The following ZNF670 variants were observed in gnomAD, a reference collection of about 807,000 sequenced individuals.
ZNF670 encodes zinc finger protein 670.
A neutral mutation model predicts 10.9 loss-of-function variants in ZNF670; 7 were observed. That is an observed-to-expected ratio of 0.64 (90% CI 0.36 to 1.20). The LOEUF (loss-of-function observed/expected upper bound fraction) is 1.20, where lower values mean the gene tolerates loss of function less well. ZNF670 is among the 50% of genes most tolerant of loss of function. The pLI, the probability that ZNF670 is intolerant of heterozygous loss-of-function variation, is 0.02. For missense variants in ZNF670, 446 were observed against 458.6 expected (o/e 0.97, Z 0.25); for synonymous variants, 136 against 152.7 (o/e 0.89, Z 0.81).
At chr1:247,071,905 T>C (rs1185467976) in intron 1 of ZNF670, among the ~76,000 whole-genome samples, 1 of 151,612 alleles carries the variant, frequency 6.6e-6, no homozygotes, top group Non-Finnish European at 1.5e-5. Flanking sequence ...TTGCCCAGGC[T>C]GGAGTGCAGT....
At position 247,039,349 on chromosome 1, in the gene ZNF670, C is replaced by A. The variant is rs1670250427; in HGVS notation, c.130+62G>T. On this transcript the variant is annotated intron_variant, in intron 2 of 3. Coordinates refer to ENST00000366503, the MANE Select transcript of ZNF670 (RefSeq NM_033213.5). ...GTGCTGGGATTACAGGTGTGAGCCA[C>A]CACGCCCAGCCAAAACACTTGCGTT... 3.2e-6 allele frequency: 5 copies of A among 1,573,338 alleles called. No individual in the cohort carries two copies. The South Asian group carries it at 3.5e-5, about 11-fold the overall frequency.
At chr1:247,065,541 A>G (rs1269379640) in intron 1 of ZNF670, among the ~76,000 whole-genome samples, 1 of 152,236 alleles carries the variant, frequency 6.6e-6, no homozygotes, top group Non-Finnish European at 1.5e-5. Context: ...GAAAAGAAAA[A>G]ATTACCTTGG....
rs182378111 is a variant in ZNF670, at chr1:247,039,516, C to T, written c.25G>A (p.Val9Met). 2 of 1,596,652 alleles carry T rather than the reference C, an allele frequency of 1.3e-6. No individual in the cohort carries two copies. The highest frequency in any genetic ancestry group is 2.3e-5 in the East Asian group (1 of 43,458). Residue 9 changes from valine (V) to methionine (M), a missense_variant, in exon 2 of 4, where the codon GTG becomes ATG. Physicochemically the swap from Val to Met is conservative, Grantham distance 21. Coordinates refer to ENST00000366503, the MANE Select transcript of ZNF670 (RefSeq NM_033213.5). ...TCCTCCTGAGTAAAGGCCACAGCCACATCTTCAAATGACACTGAATCCTAG... is the reference window on the plus strand; with the variant it reads ...TCCTCCTGAGTAAAGGCCACAGCCATATCTTCAAATGACACTGAATCCTAG... MDSVSFED[V>M]AVAFTQEEWA...
At chr1:247,061,909 G>A (rs1572567631) in intron 1 of ZNF670, among the ~76,000 whole-genome samples, 1 of 152,130 alleles carries the variant, frequency 6.6e-6, no homozygotes, top group Non-Finnish European at 1.5e-5. Flanking sequence ...AAATGATAAG[G>A]GTGATCTAAG....
At chr1:247,063,000 TAG>T (rs1558344608) in intron 1 of ZNF670, among the ~76,000 whole-genome samples, 18 of 152,326 alleles carry the variant, frequency 1.2e-4, no homozygotes, top group African/African-American at 4.3e-4. Context: ...ACAGTTTCCA[TAG>T]AGGAATCTCA....
intron 1 of ZNF670, among the ~76,000 whole-genome samples, chr1:247,067,747 C>T (rs565430022): frequency 4.6e-4 from 64 of 140,334 alleles, no homozygotes; most frequent in Non-Finnish European, 8.3e-4. Flanking sequence ...GAGGCTGAGG[C>T]AGGAGAATGG....
intron 1 of ZNF670, among the ~76,000 whole-genome samples, chr1:247,052,680 A>G (rs1670625156): frequency 1.3e-5 from 2 of 152,302 alleles, no homozygotes; most frequent in South Asian, 4.1e-4. Context: ...TTCTTGGAGC[A>G]GGGTCATTCT....
At chr1:247,046,326 AG>A (rs1294530238) in intron 1 of ZNF670, among the ~76,000 whole-genome samples, 6 of 152,208 alleles carry the variant, frequency 3.9e-5, no homozygotes, top group Non-Finnish European at 8.8e-5. Context: ...CCACAGGCTC[AG>A]GGGCCTAAAA....
chr1:247,044,763 T>C (rs1054157832), intron 1 of ZNF670, among the ~76,000 whole-genome samples: 2 of 152,214 alleles, frequency 1.3e-5, no homozygotes, highest in African/African-American at 2.4e-5. Context: ...TGAGTATACA[T>C]GGACACAAAG....
At position 247,035,919 on chromosome 1, in the gene ZNF670, A is replaced by C. The variant is rs1369626126; in HGVS notation, c.*1530T>G. Among the ~76,000 whole-genome samples, 1 of 152,192 alleles carries C rather than the reference A, an allele frequency of 6.6e-6. No homozygotes were observed. On this transcript the variant is annotated 3_prime_UTR_variant, in exon 4 of 4. Coordinates refer to ENST00000366503, the MANE Select transcript of ZNF670 (RefSeq NM_033213.5). The stretch of plus-strand genomic sequence containing the variant: ...TGAGCATCCCTAATCCAAATATCAA[A>C]AATCCTCTAATGAGCATTTCTGTTG...
chr1:247,040,851 A>C (rs1670288156), intron 1 of ZNF670, among the ~76,000 whole-genome samples: 1 of 151,978 alleles, frequency 6.6e-6, no homozygotes, highest in South Asian at 2.1e-4. Context: ...ATGTGTCACC[A>C]CGCCCAGCTG....
Position 247,036,393 on chromosome 1 carries a change from C to T in ZNF670, c.*1056G>A, listed in dbSNP as rs1670150780. The stretch of plus-strand genomic sequence containing the variant: ...GTGGGCCAGGTGTGGTAGCTCATGT[C>T]AGTAACCCCAACATGTAGACAGGCT... On this transcript the variant is annotated 3_prime_UTR_variant, in exon 4 of 4. Transcript: ENST00000366503. 1.3e-5 allele frequency among the ~76,000 whole-genome samples: 2 copies of T among 152,176 alleles called. No homozygotes were observed. Among genetic ancestry groups the T allele is most frequent in the African/African-American group, 4.8e-5 (2 of 41,414 alleles).
intron 1 of ZNF670, among the ~76,000 whole-genome samples, chr1:247,040,211 TGAG>T (rs1404615799): frequency 6.6e-6 from 1 of 152,206 alleles, no homozygotes; most frequent in Non-Finnish European, 1.5e-5. Flanking sequence ...ACTGGAGAAA[TGAG>T]GCATCAACGT....
intron 1 of ZNF670, among the ~76,000 whole-genome samples, chr1:247,072,583 G>A (rs1235689934): frequency 6.6e-6 from 1 of 151,312 alleles, no homozygotes; most frequent in Non-Finnish European, 1.5e-5. Context: ...TCAGGAATTC[G>A]AGACCAGCCT....
At chr1:247,048,823 C>A (rs190543062) in intron 1 of ZNF670, among the ~76,000 whole-genome samples, 88 of 152,264 alleles carry the variant, frequency 5.8e-4, no homozygotes, top group Non-Finnish European at 1.1e-3. Context: ...CATCAGATTT[C>A]GTGAGAACAA....
chr1:247,042,521 T>C (rs993307367), intron 1 of ZNF670, among the ~76,000 whole-genome samples: 1 of 152,158 alleles, frequency 6.6e-6, no homozygotes, highest in African/African-American at 2.4e-5. Flanking sequence ...TGTTTTCTGT[T>C]GAGGGTAGGT....
chr1:247,068,890 C>A (rs954895240), intron 1 of ZNF670, among the ~76,000 whole-genome samples: 17 of 137,910 alleles, frequency 1.2e-4, no homozygotes, highest in Middle Eastern at 4.0e-3. Context: ...ACGGATGGAA[C>A]TGGAGATCAT....
intron 1 of ZNF670, among the ~76,000 whole-genome samples, chr1:247,045,541 A>C (rs887148337): frequency 6.6e-6 from 1 of 152,186 alleles, no homozygotes; most frequent in Non-Finnish European, 1.5e-5. Context: ...AGGCATCACC[A>C]GAAGCCAAGC....
intron 1 of ZNF670, among the ~76,000 whole-genome samples, chr1:247,052,270 T>C (rs924790455): frequency 6.6e-6 from 1 of 152,182 alleles, no homozygotes; most frequent in African/African-American, 2.4e-5. Flanking sequence ...GATTCTTCTG[T>C]CTCACAGGGT....
Sources: gnomAD v4.1 joint callset for allele counts (sites outside exome capture counted in the v4.1 genomes callset) on GRCh38, gnomAD v4.1.1 for gene constraint, MANE v1.5 for transcripts, NCBI Gene and HGNC (gene_info 2026-07-23, HGNC 2026-07-21) for gene names.